YBEY: variants seen among roughly 807,000 people sequenced by gnomAD.
YBEY encodes endoribonuclease YbeY.
A neutral mutation model predicts 13.5 loss-of-function variants in YBEY; 15 were observed. The observed-to-expected ratio is 1.11, with a 90% CI of 0.75 to 1.72. The LOEUF is 1.72. YBEY is among the 40% of genes most tolerant of loss of function. YBEY has a pLI of 0.00. For synonymous variants in YBEY, 101 were observed against 83.1 expected (o/e 1.21, Z -1.17); for missense variants, 244 against 208.4 (o/e 1.17, Z -1.05).
chr21:46,290,812 A>T (rs1331992761), intron 2 of YBEY, among the ~76,000 whole-genome samples: 2 of 151,836 alleles, frequency 1.3e-5, no homozygotes, highest in African/African-American at 4.8e-5. Flanking sequence ...TTCGGAGGCC[A>T]AGGCGGGTGG....
downstream of YBEY, among the ~76,000 whole-genome samples, chr21:46,298,434 C>CTTTTTTTTTGTTTTTTTTTTTTTTTTTT (rs2082019287): frequency 1.0e-5 from 1 of 97,160 alleles, no homozygotes; most frequent in African/African-American, 3.6e-5. Flanking sequence ...TTAATCCAAG[C>CTTTTTTTTTGTTTTTTTTTTTTTTTTTT]TTTTTTTTTT....
At chr21:46,291,734 G>A in intron 3 of YBEY, 1 of 1,199,366 alleles carries the variant, frequency 8.3e-7, no homozygotes, top group Non-Finnish European at 1.0e-6. Flanking sequence ...AGCAGACTAT[G>A]TTGAGCTAAC....
chr21:46,297,172 G>A lies in YBEY; in HGVS notation c.409-367G>A, dbSNP rs186875151. ...AGATTAGCCGGGCGTGGTGGTGGGC[G>A]CCTGTAATCCCAGCTACAGGGGAGG... On this transcript the variant is annotated intron_variant, in intron 4 of 4. Transcript: ENST00000397701. 3.3e-3 allele frequency among the ~76,000 whole-genome samples: 506 copies of A among 152,170 alleles called. 5 individuals are homozygous for A. The highest frequency in any genetic ancestry group is 0.012 in the African/African-American group (485 of 41,514).
downstream of YBEY, among the ~76,000 whole-genome samples, chr21:46,298,206 CTGTT>C (rs1239945899): frequency 6.6e-6 from 1 of 151,586 alleles, no homozygotes; most frequent in Non-Finnish European, 1.5e-5. Flanking sequence ...TTCTGCTCAT[CTGTT>C]TGTCCTGTGA....
chr21:46,308,675 T>C, the YBEY span, among the ~76,000 whole-genome samples: 1 of 151,814 alleles, frequency 6.6e-6, no homozygotes, highest in Non-Finnish European at 1.5e-5. Flanking sequence ...GGGCCTCTCA[T>C]TGCTATGGTT....
At chr21:46,312,944 G>A in the YBEY span, 1 of 971,356 alleles carries the variant, frequency 1.0e-6, no homozygotes, top group Non-Finnish European at 1.2e-6. Context: ...TCCTCTGAGT[G>A]AAAATAAATT....
At chr21:46,302,471 G>A, downstream of YBEY, 2 of 1,592,246 alleles carry the variant, frequency 1.3e-6, no homozygotes, top group Non-Finnish European at 1.7e-6. Context: ...GGTTCTGCTG[G>A]GGGCTAAGCC....
the YBEY span, among the ~76,000 whole-genome samples, chr21:46,307,182 C>T: frequency 2.0e-5 from 3 of 151,764 alleles, no homozygotes; most frequent in African/African-American, 4.8e-5. Flanking sequence ...AGGTGTGAGC[C>T]GCTGCGCCCA....
At chr21:46,307,456 A>G in the YBEY span, among the ~76,000 whole-genome samples, 3 of 152,162 alleles carry the variant, frequency 2.0e-5, no homozygotes, top group Non-Finnish European at 4.4e-5. Context: ...ACCCACACAC[A>G]CACCCCTACC....
At chr21:46,294,795 G>A (rs1335544342) in intron 3 of YBEY, among the ~76,000 whole-genome samples, 1 of 151,518 alleles carries the variant, frequency 6.6e-6, no homozygotes, top group Non-Finnish European at 1.5e-5. Context: ...ATTCTGAAAA[G>A]CCATGTATGA....
chr21:46,300,601 C>T (rs916203571), downstream of YBEY: 1 of 1,157,750 alleles, frequency 8.6e-7, no homozygotes. Context: ...AGTGTTACTG[C>T]CAGTAGCTGC....
the YBEY span, among the ~76,000 whole-genome samples, chr21:46,312,596 G>A: frequency 6.6e-6 from 1 of 152,188 alleles, no homozygotes; most frequent in African/African-American, 2.4e-5. Context: ...CCAGGCAGGG[G>A]AAATGCAGTA....
At chr21:46,304,312 G>T in the YBEY span, among the ~76,000 whole-genome samples, 1 of 151,940 alleles carries the variant, frequency 6.6e-6, no homozygotes, top group Admixed American at 6.6e-5. Flanking sequence ...TTACAGGCGT[G>T]AGCCACTGCG....
the YBEY span, among the ~76,000 whole-genome samples, chr21:46,312,310 T>G: frequency 6.6e-6 from 1 of 152,154 alleles, no homozygotes; most frequent in South Asian, 2.1e-4. Context: ...CAACCAACAC[T>G]TGGTATGGTG....
chr21:46,311,498 G>C, the YBEY span: 2 of 1,611,984 alleles, frequency 1.2e-6, no homozygotes, highest in Non-Finnish European at 1.7e-6. Context: ...AAGGCCTGGG[G>C]AGGAGGAATC....
chr21:46,303,743 A>ATT, the YBEY span, among the ~76,000 whole-genome samples: 1 of 19,604 alleles, frequency 5.1e-5, no homozygotes, highest in Non-Finnish European at 1.1e-4. Context: ...ATATATATAT[A>ATT]TATTTTTTTT....
the YBEY span, among the ~76,000 whole-genome samples, chr21:46,312,422 G>A: frequency 0.011 from 1,681 of 152,150 alleles, 41 homozygotes; most frequent in African/African-American, 0.039. Context: ...AGGTTCTAGC[G>A]ATTCTCATGC....
At chr21:46,309,162 T>C in the YBEY span, among the ~76,000 whole-genome samples, 3 of 151,702 alleles carry the variant, frequency 2.0e-5, no homozygotes, top group Non-Finnish European at 2.9e-5. Context: ...CTACTAAAAA[T>C]GCAAAAATTA....
At chr21:46,309,118 A>T in the YBEY span, among the ~76,000 whole-genome samples, 1 of 152,232 alleles carries the variant, frequency 6.6e-6, no homozygotes, top group East Asian at 1.9e-4. Flanking sequence ...CAGGAGTTCG[A>T]GACCAGTCTG....
Sources: gnomAD v4.1 joint callset for allele counts (sites outside exome capture counted in the v4.1 genomes callset) on GRCh38, gnomAD v4.1.1 for gene constraint, MANE v1.5 for transcripts, NCBI Gene and HGNC (gene_info 2026-07-23, HGNC 2026-07-21) for gene names.